ATRX: variants seen among roughly 807,000 people sequenced by gnomAD.
ATRX encodes the protein chromatin remodeler ATRX.
In ATRX, 12 loss-of-function variants were observed where a neutral mutation model predicts 172.6. The observed-to-expected ratio is 0.07, with a 90% CI of 0.04 to 0.11. The LOEUF is 0.11. ATRX is among the 10% of genes least tolerant of loss of function. The pLI is 1.00. For synonymous variants in ATRX, 674 were observed against 594.7 expected (o/e 1.13, Z -1.94); for missense variants, 1,368 against 1,767.4 (o/e 0.77, Z 4.05).
rs782631992 is a variant in ATRX, at chrX:77,508,430, A to C, written c.7400T>G (p.Met2467Arg). Residue 2467 changes from methionine (M) to arginine (R), a missense_variant, in exon 35 of 35, where the codon ATG becomes AGG. By Grantham distance (91) the Met-to-Arg change is moderately conservative. Coordinates refer to ENST00000373344, the MANE Select transcript of ATRX (RefSeq NM_000489.6). Reference sequence around the variant, plus strand: ...TGCACGCTGTAATGGTGGTGGCTGCATACCACCAGCCACTGGCTGATACAT... The same window carrying C: ...TGCACGCTGTAATGGTGGTGGCTGCCTACCACCAGCCACTGGCTGATACAT... Reference protein sequence around the residue: ...RGMYQPVAGGMQPPPLQRAPP... With the variant: ...RGMYQPVAGGRQPPPLQRAPP... The C allele has an allele frequency of 8.3e-7, 1 of 1,210,140 alleles. No homozygotes were observed. Among genetic ancestry groups the C allele is most frequent in the Non-Finnish European group, 1.1e-6 (1 of 893,916 alleles).
intron 1 of ATRX, among the ~76,000 whole-genome samples, chrX:77,764,129 A>C (rs1290582220): frequency 9.0e-6 from 1 of 111,389 alleles, no homozygotes; most frequent in Non-Finnish European, 1.9e-5. Context: ...AAAGAGTTAA[A>C]TATATAGAGA....
intron 2 of ATRX, among the ~76,000 whole-genome samples, chrX:77,699,236 T>C (rs996220891): frequency 9.1e-6 from 1 of 110,422 alleles, no homozygotes. Context: ...CGGGTTCAGG[T>C]GATCCTCCCC....
chrX:77,643,228 G>C (rs2068744074), intron 15 of ATRX, among the ~76,000 whole-genome samples: 1 of 110,372 alleles, frequency 9.1e-6, no homozygotes, highest in Admixed American at 9.8e-5. Flanking sequence ...CTAACTCAGA[G>C]CTCTGGTGAG....
intron 25 of ATRX, chrX:77,594,079 C>A (rs1310385613): frequency 2.1e-5 from 7 of 332,233 alleles, no homozygotes; most frequent in Non-Finnish European, 3.6e-5. Flanking sequence ...GAAGGAGATG[C>A]CAAATAAGAG....
chrX:77,539,977 A>G (rs1319121940), intron 30 of ATRX, among the ~76,000 whole-genome samples: 1 of 111,792 alleles, frequency 8.9e-6, no homozygotes, highest in Non-Finnish European at 1.9e-5. Context: ...TATTAACCTT[A>G]AATGTAAATG....
intron 10 of ATRX, among the ~76,000 whole-genome samples, chrX:77,665,411 G>A (rs2070178197): frequency 9.0e-6 from 1 of 111,390 alleles, no homozygotes; most frequent in Non-Finnish European, 1.9e-5. Context: ...AGGGACATGA[G>A]TGCTATTAAT....
intron 4 of ATRX, 63 bp downstream of exon 4, chrX:77,697,520 T>C (rs2072251015): frequency 8.7e-7 from 1 of 1,145,709 alleles, no homozygotes; most frequent in Non-Finnish European, 1.2e-6. Flanking sequence ...AAAAACATGG[T>C]TTTAGAAACA....
At chrX:77,574,178 A>T in intron 28 of ATRX, 72 bp downstream of exon 28, 2 of 766,889 alleles carry the variant, frequency 2.6e-6, no homozygotes, top group Admixed American at 4.9e-5. Flanking sequence ...ACACAATAAA[A>T]ATAGTGAACT....
At chrX:77,669,673 G>C (rs1032631268) in intron 10 of ATRX, among the ~76,000 whole-genome samples, 47 of 111,110 alleles carry the variant, frequency 4.2e-4, no homozygotes, top group African/African-American at 1.5e-3. Flanking sequence ...TATGTATTTA[G>C]AAATGCAAGA....
Position 77,527,428 on chromosome X carries a change from T to C in ATRX, c.6700-4027A>G, listed in dbSNP as rs782770134. Among the ~76,000 whole-genome samples, 16 of 112,046 alleles carry C rather than the reference T, an allele frequency of 1.4e-4. 1 individual carries two copies. In the South Asian group the frequency reaches 6.0e-3, roughly 42 times the overall value. ...CCCAGCCAGGGGAGGCAGTGAGTGA[T>C]TGTGCAACCCGCTCAGGAAGCCACC... is the stretch of plus-strand genomic sequence containing the variant. On this transcript the variant is annotated intron_variant, in intron 30 of 34. Transcript: ENST00000373344.
intron 19 of ATRX, among the ~76,000 whole-genome samples, chrX:77,624,238 G>A (rs1001732793): frequency 2.7e-5 from 3 of 110,987 alleles, no homozygotes; most frequent in Non-Finnish European, 3.8e-5. Context: ...GTGGTGGCCG[G>A]TGCCTGTAGT....
At chrX:77,696,044 T>C (rs992870303) in intron 5 of ATRX, among the ~76,000 whole-genome samples, 5 of 112,126 alleles carry the variant, frequency 4.5e-5, no homozygotes, top group Non-Finnish European at 7.5e-5. Context: ...GGTTTTATGG[T>C]TAGAACTTCA....
At chrX:77,709,728 C>T (rs1418988210) in intron 2 of ATRX, among the ~76,000 whole-genome samples, 1 of 109,526 alleles carries the variant, frequency 9.1e-6, no homozygotes, top group Non-Finnish European at 1.9e-5. Flanking sequence ...AGGAGGATTA[C>T]CTGAGGTCAG....
intron 1 of ATRX, among the ~76,000 whole-genome samples, chrX:77,781,399 G>A (rs1430360017): frequency 1.1e-5 from 1 of 94,722 alleles, no homozygotes; most frequent in Admixed American, 1.3e-4. Flanking sequence ...CTGAGATCGT[G>A]CCACTGTACT....
chrX:77,732,008 G>A (rs1557176354), intron 1 of ATRX, among the ~76,000 whole-genome samples: 1 of 111,840 alleles, frequency 8.9e-6, no homozygotes, highest in African/African-American at 3.3e-5. Context: ...ACATGACAAG[G>A]CAAGAGGCCA....
intron 34 of ATRX, among the ~76,000 whole-genome samples, chrX:77,519,051 C>A (rs2063142619): frequency 8.9e-6 from 1 of 111,909 alleles, no homozygotes; most frequent in Non-Finnish European, 1.9e-5. Flanking sequence ...GAATCTACTA[C>A]AGAAAAACAC....
At chrX:77,745,837 C>T (rs1361062608) in intron 1 of ATRX, among the ~76,000 whole-genome samples, 2 of 111,260 alleles carry the variant, frequency 1.8e-5, no homozygotes, top group Non-Finnish European at 3.8e-5. Flanking sequence ...GGATACAACC[C>T]TGATGTAGTT....
chrX:77,571,070 G>A (rs1426467483), intron 28 of ATRX, among the ~76,000 whole-genome samples: 1 of 112,037 alleles, frequency 8.9e-6, no homozygotes, highest in Non-Finnish European at 1.9e-5. Context: ...GCAAATGCTG[G>A]TGAGGATGTA....
Position 77,715,179 on chromosome X carries a change from C to T in ATRX, c.133+1952G>A, listed in dbSNP as rs182990484. ...CTATGCTGGCAATTACAATCACATG[C>T]TGCATAAAGACATTTCACTCAATGA... is the stretch of plus-strand genomic sequence containing the variant. On this transcript the variant is annotated intron_variant, in intron 2 of 34. Coordinates refer to ENST00000373344, the MANE Select transcript of ATRX (RefSeq NM_000489.6). 1.1e-3 allele frequency among the ~76,000 whole-genome samples: 128 copies of T among 111,873 alleles called. No homozygotes were observed. The Middle Eastern group carries it at 0.014, about 12-fold the overall frequency.
Sources: gnomAD v4.1 joint callset for allele counts (sites outside exome capture counted in the v4.1 genomes callset) on GRCh38, gnomAD v4.1.1 for gene constraint, MANE v1.5 for transcripts, NCBI Gene and HGNC (gene_info 2026-07-23, HGNC 2026-07-21) for gene names.